Variants in UXS1 observed in about 807,000 individuals in gnomAD.
UXS1 encodes UDP-glucuronic acid decarboxylase 1.
A neutral mutation model predicts 62.6 loss-of-function variants in UXS1; 33 were observed. The ratio of observed to expected loss-of-function variants is 0.53; its 90% confidence interval spans 0.40 to 0.70. The LOEUF is 0.70. UXS1 is among the 30% of genes least tolerant of loss of function. UXS1 has a pLI of 0.00. For missense variants in UXS1, 434 were observed against 556.3 expected, an observed-to-expected ratio of 0.78 and a Z score of 2.21; for synonymous variants, 213 against 206.8, an observed-to-expected ratio of 1.03 and a Z score of -0.26.
chr2:106,182,807 T>A (rs1470189998), intron 1 of UXS1, among the ~76,000 whole-genome samples: 13 of 139,512 alleles, frequency 9.3e-5, no homozygotes, highest in African/African-American at 2.9e-4. Flanking sequence ...CATTTCAGCA[T>A]CTACACTGGT....
chr2:106,155,967 T>G (rs1274042369), intron 5 of UXS1, among the ~76,000 whole-genome samples: 3 of 152,140 alleles, frequency 2.0e-5, no homozygotes, highest in Non-Finnish European at 2.9e-5. Flanking sequence ...AAAAACATGG[T>G]AAATCTTTGT....
intron 13 of UXS1, chr2:106,097,519 C>T: frequency 3.3e-6 from 1 of 304,204 alleles, no homozygotes; most frequent in East Asian, 7.7e-5. Context: ...TGTCACAAAG[C>T]TATATACAGA....
intron 7 of UXS1, among the ~76,000 whole-genome samples, chr2:106,127,127 C>T (rs1680024408): frequency 6.6e-6 from 1 of 152,252 alleles, no homozygotes; most frequent in South Asian, 2.1e-4. Flanking sequence ...TATGCACTGC[C>T]GTTAATCATT....
At chr2:106,114,718 G>C (rs1678925749) in intron 9 of UXS1, among the ~76,000 whole-genome samples, 1 of 152,180 alleles carries the variant, frequency 6.6e-6, no homozygotes, top group Admixed American at 6.5e-5. Flanking sequence ...CTTGCTTGCT[G>C]TGGCTTTTCT....
rs866423302 is a variant in UXS1, at chr2:106,112,518, G to T, written c.879+128C>A. 6.4e-5 allele frequency: 90 copies of T among 1,408,942 alleles called. 1 individual carries two copies. In the South Asian group the frequency reaches 1.2e-3, roughly 19 times the overall value. The allele number at this position is 1,408,942 out of a possible 1,614,324, so 87.3% of individuals were successfully genotyped here. On this transcript the variant is annotated intron_variant, in intron 10 of 14. Coordinates refer to ENST00000283148, the MANE Select transcript of UXS1 (RefSeq NM_001253875.2). The stretch of plus-strand genomic sequence containing the variant: ...CGTGCCTGCCTTCCCCTTAGTGGAG[G>T]GTAGCGGGTATACATGGCAGCTTCA...
intron 6 of UXS1, chr2:106,138,868 C>A (rs999506306): frequency 1.8e-5 from 18 of 985,306 alleles, no homozygotes; most frequent in Admixed American, 6.1e-5. Flanking sequence ...AACAATAACT[C>A]CAGTTCCTAT....
chr2:106,171,630 A>G (rs932757302), intron 1 of UXS1, among the ~76,000 whole-genome samples: 2 of 152,250 alleles, frequency 1.3e-5, no homozygotes, highest in African/African-American at 4.8e-5. Flanking sequence ...CAGAAAGTAC[A>G]GATTCTTCAC....
At chr2:106,178,518 GTCTA>G (rs202196890) in intron 1 of UXS1, among the ~76,000 whole-genome samples, 1 of 6,344 alleles carries the variant, frequency 1.6e-4, no homozygotes, top group Non-Finnish European at 2.1e-3. Flanking sequence ...ACATATACAA[GTCTA>G]TGTATATGTA....
rs145927752 is a variant in UXS1, at chr2:106,142,889, ATGTGTGGG to A, written c.472+2293_472+2300del. 8.2e-3 allele frequency among the ~76,000 whole-genome samples: 1,233 copies of A among 150,686 alleles called. 4 individuals carry two copies. The highest frequency in any genetic ancestry group is 0.015 in the Non-Finnish European group (1,024 of 67,710). ...GTCATTTATTGTATGACTTCATTCA[ATGTGTGGG>A]TGTGTGGGTGTGTGTGTTTGCATGT... On this transcript the variant is annotated intron_variant, in intron 6 of 14. Transcript: ENST00000283148.
Position 106,145,229 on chromosome 2 carries a change from A to T in UXS1, c.433T>A (p.Leu145Met), listed in dbSNP as rs571373067. The T allele has an allele frequency of 1.9e-6, 3 of 1,613,524 alleles. No individual in the cohort carries two copies. Among genetic ancestry groups the T allele is most frequent in the Admixed American group, 3.3e-5 (2 of 59,976 alleles). The change falls in exon 6 of 15, where the codon TTG becomes ATG. Residue 145 changes from leucine (L) to methionine (M), a missense_variant. This residue lies in a region of UXS1 where 134 missense variants were observed against 251.9 expected (regional missense o/e 0.53). Transcript: ENST00000283148. ...GGCTCCACCACGTCGTGGTTAATCA[A>T]CTCGAAGTTCTCATGTCCGATCCAG... ...EHWIGHENFE[L>M]INHDVVEPLY...
At chr2:106,152,845 G>A (rs2105022536) in intron 5 of UXS1, among the ~76,000 whole-genome samples, 1 of 149,630 alleles carries the variant, frequency 6.7e-6, no homozygotes, top group East Asian at 1.9e-4. Flanking sequence ...TGCTTAGAAG[G>A]GAGAAGTTCC....
intron 1 of UXS1, among the ~76,000 whole-genome samples, chr2:106,186,455 T>TACACAC (rs146886217): frequency 0.022 from 3,133 of 141,048 alleles, 59 homozygotes; most frequent in African/African-American, 0.053. Context: ...TATATATATA[T>TACACAC]ATACACACAC....
intron 7 of UXS1, among the ~76,000 whole-genome samples, chr2:106,128,332 A>C (rs1446757188): frequency 1.3e-5 from 2 of 152,186 alleles, no homozygotes; most frequent in African/African-American, 2.4e-5. Context: ...ATCTTACTCC[A>C]AACAACCTGT....
chr2:106,160,656 G>A (rs796587887), intron 4 of UXS1: 1 of 152,158 alleles, frequency 6.6e-6, no homozygotes, highest in South Asian at 2.1e-4. Context: ...AAAATGAAAT[G>A]TGGTGTGCTA....
intron 10 of UXS1, among the ~76,000 whole-genome samples, chr2:106,108,264 G>A (rs918794395): frequency 2.0e-5 from 3 of 152,212 alleles, no homozygotes; most frequent in African/African-American, 4.8e-5. Flanking sequence ...CACTGTGTGC[G>A]CTAATGTGAA....
chr2:106,123,063 A>G lies in UXS1; in HGVS notation c.666T>C (p.Asp222=). The G allele has an allele frequency of 6.2e-7, 1 of 1,613,946 alleles. No homozygotes were observed. Among genetic ancestry groups the G allele is most frequent in the Non-Finnish European group, 8.5e-7 (1 of 1,179,850 alleles). The change falls in exon 9 of 15, where the codon GAT becomes GAC. Residue 222 remains aspartate (D), a synonymous_variant. Coordinates refer to ENST00000283148, the MANE Select transcript of UXS1 (RefSeq NM_001253875.2). ...GDPEVHPQSE[D]YWGHVNPIGP... is the part of the protein sequence containing the mutation. The stretch of plus-strand genomic sequence containing the variant: ...CTATTGGATTCACGTGGCCCCAGTA[A>G]TCCTCACTTTGAGGGTGGACTTCAG...
At chr2:106,126,963 T>C (rs1461360402) in intron 7 of UXS1, among the ~76,000 whole-genome samples, 12 of 152,204 alleles carry the variant, frequency 7.9e-5, no homozygotes, top group Non-Finnish European at 2.9e-5. Context: ...ATGTCTATAA[T>C]TGTGTCATTT....
At chr2:106,160,935 C>T (rs1231190783) in intron 4 of UXS1, among the ~76,000 whole-genome samples, 1 of 152,230 alleles carries the variant, frequency 6.6e-6, no homozygotes, top group Non-Finnish European at 1.5e-5. Context: ...AAAAAACTAT[C>T]TTATACTCCT....
rs376546665 is a variant in UXS1 at position 106,143,545 on chromosome 2, C to A, written c.472+1645G>T. On this transcript the variant is annotated intron_variant, in intron 6 of 14. Coordinates refer to ENST00000283148, the MANE Select transcript of UXS1 (RefSeq NM_001253875.2). ...TCAAATTTAGAGGCTCAAAAAATATCCATTCACGATCCGATCTGACAGGTC... is the reference window on the plus strand; with the variant it reads ...TCAAATTTAGAGGCTCAAAAAATATACATTCACGATCCGATCTGACAGGTC... 2.7e-5 allele frequency among the ~76,000 whole-genome samples: 4 copies of A among 150,660 alleles called. No individual in the cohort carries two copies. The East Asian group carries it at 6.0e-4, about 22-fold the overall frequency.
Sources: allele counts gnomAD v4.1 joint callset (sites outside exome capture counted in the v4.1 genomes callset), GRCh38; gene constraint gnomAD v4.1.1; regional missense constraint gnomAD v4.1.1; transcripts MANE v1.5; gene names NCBI Gene and HGNC (gene_info 2026-07-23, HGNC 2026-07-21).